The following GTF2A1L variants were observed in gnomAD, a reference collection of about 807,000 sequenced individuals.
The protein encoded by GTF2A1L is TFIIA-alpha and beta-like factor.
In GTF2A1L, 48 loss-of-function variants were observed where a neutral mutation model predicts 49.7. The observed-to-expected ratio is 0.97, with a 90% CI of 0.77 to 1.23. The LOEUF is 1.23. Ranked by LOEUF, GTF2A1L falls within the 50% of genes most tolerant of loss-of-function variation. The pLI is 0.00. For synonymous variants in GTF2A1L, 246 were observed against 193.5 expected, an observed-to-expected ratio of 1.27 and a Z score of -2.25; for missense variants, 736 against 564.8, an observed-to-expected ratio of 1.30 and a Z score of -3.07.
At chr2:48,673,588 T>C (rs986694398) in intron 8 of GTF2A1L, among the ~76,000 whole-genome samples, 4 of 152,082 alleles carry the variant, frequency 2.6e-5, no homozygotes, top group Non-Finnish European at 4.4e-5. Flanking sequence ...GGTCTGGATC[T>C]GACTTCGTGA....
chr2:48,668,078 C>G (rs1037775643), intron 6 of GTF2A1L, among the ~76,000 whole-genome samples: 5 of 152,114 alleles, frequency 3.3e-5, no homozygotes, highest in Admixed American at 6.5e-5. Flanking sequence ...CCCTGGTAAC[C>G]TTGATTTTAC....
chr2:48,635,469 C>T (rs1676835210), intron 3 of GTF2A1L, among the ~76,000 whole-genome samples: 2 of 152,016 alleles, frequency 1.3e-5, no homozygotes, highest in Non-Finnish European at 1.5e-5. Flanking sequence ...CCCCACTTCA[C>T]CTCGATCCCA....
chr2:48,625,795 C>T (rs1572697710), intron 3 of GTF2A1L, among the ~76,000 whole-genome samples: 1 of 143,200 alleles, frequency 7.0e-6, no homozygotes. Flanking sequence ...GTCGTCCAGG[C>T]TGGTCTTGAA....
intron 3 of GTF2A1L, among the ~76,000 whole-genome samples, chr2:48,635,918 A>C (rs772065425): frequency 5.3e-5 from 8 of 152,100 alleles, no homozygotes; most frequent in African/African-American, 9.7e-5. Context: ...GGAGGAAAAA[A>C]AAAGTTCTCC....
chr2:48,650,788 A>G (rs575005435), intron 6 of GTF2A1L, among the ~76,000 whole-genome samples: 87 of 152,146 alleles, frequency 5.7e-4, no homozygotes, highest in Non-Finnish European at 9.1e-4. Flanking sequence ...GCTACTGTAC[A>G]TGGTCAGGCA....
In GTF2A1L at chr2:48,646,749, C is replaced by T. The variant is rs954516995; in HGVS notation, c.685C>T (p.Pro229Ser). Residue 229 changes from proline to serine, a missense_variant, in exon 6 of 9, where the codon CCT becomes TCT. Physicochemically the swap from Pro to Ser is moderately conservative, Grantham distance 74 (BLOSUM62 -1). Transcript: ENST00000403751. ...TCCTGGAAATGAGCATAAAATCGTG[C>T]CTGAAGCTTTGTTGTGTCATCAGGA... Reference protein sequence around the residue: ...VSPGNEHKIVPEALLCHQESS... With the variant: ...VSPGNEHKIVSEALLCHQESS... 2.5e-6 allele frequency: 4 copies of T among 1,614,154 alleles called. No individual in the cohort carries two copies. The Admixed American group carries it at 5.0e-5, about 20-fold the overall frequency.
intron 6 of GTF2A1L, among the ~76,000 whole-genome samples, chr2:48,658,679 T>C (rs928638359): frequency 1.3e-5 from 2 of 152,130 alleles, no homozygotes; most frequent in African/African-American, 4.8e-5. Flanking sequence ...TAATTAGGTA[T>C]TGGTCTGTTT....
At chr2:48,673,654 C>T (rs1368502640) in intron 8 of GTF2A1L, among the ~76,000 whole-genome samples, 1 of 151,970 alleles carries the variant, frequency 6.6e-6, no homozygotes, top group East Asian at 1.9e-4. Context: ...ACCCAGCCGA[C>T]ACAGGAATAT....
chr2:48,673,652 G>A lies in GTF2A1L; in HGVS notation c.1329+1972G>A, dbSNP rs150167046. Reference sequence around the variant, plus strand: ...TAGGTGTGAGCCACTGCACCCAGCCGACACAGGAATATTTAGAAATGAAGA... The same window carrying A: ...TAGGTGTGAGCCACTGCACCCAGCCAACACAGGAATATTTAGAAATGAAGA... On this transcript the variant is annotated intron_variant, in intron 8 of 8. Coordinates refer to ENST00000403751, the MANE Select transcript of GTF2A1L (RefSeq NM_006872.5). Among the ~76,000 whole-genome samples the A allele has an allele frequency of 3.9e-5, 6 of 152,148 alleles. No homozygotes were observed. In the South Asian group the frequency reaches 6.2e-4, roughly 16 times the overall value.
At chr2:48,618,103 G>C (rs769808897) in intron 1 of GTF2A1L, 2 of 547,286 alleles carry the variant, frequency 3.7e-6, no homozygotes, top group Non-Finnish European at 6.4e-6. Flanking sequence ...GGCCAGCCCC[G>C]CCAAAAGAAC....
Position 48,646,567 on chromosome 2 carries a change from T to C in GTF2A1L, c.503T>C (p.Ile168Thr), listed in dbSNP as rs1677521472. 1 of 1,614,046 alleles carries C rather than the reference T, an allele frequency of 6.2e-7. No homozygotes were observed. The highest frequency in any genetic ancestry group is 1.1e-5 in the South Asian group (1 of 91,094). The change falls in exon 6 of 9, where the codon ATA (isoleucine) becomes ACA (threonine). Residue 168 changes from isoleucine to threonine, a missense_variant. Ile to Thr is a moderately conservative substitution (Grantham distance 89, BLOSUM62 -1). Coordinates refer to ENST00000403751, the MANE Select transcript of GTF2A1L (RefSeq NM_006872.5). The part of the protein sequence containing the change: ...VFQQLGQPSV[I>T]QTSVPQLNPW... The stretch of plus-strand genomic sequence containing the variant: ...CAACAGCTTGGCCAGCCTTCAGTAA[T>C]ACAAACTAGTGTTCCACAATTGAAT...
chr2:48,642,308 G>C, intron 3 of GTF2A1L, 94 bp from the exon 4 acceptor site: 1 of 1,211,796 alleles, frequency 8.3e-7, no homozygotes, highest in Admixed American at 2.4e-5. Flanking sequence ...ACCTGTTAGT[G>C]ATAGAAAATA....
chr2:48,655,607 G>C (rs1396681462), intron 6 of GTF2A1L, among the ~76,000 whole-genome samples: 1 of 152,070 alleles, frequency 6.6e-6, no homozygotes, highest in Non-Finnish European at 1.5e-5. Flanking sequence ...CCAGTACTTT[G>C]ATCAGTTTTG....
intron 4 of GTF2A1L, 99 bp downstream of exon 4, chr2:48,642,556 T>C (rs1677257542): frequency 8.3e-7 from 1 of 1,202,888 alleles, no homozygotes; most frequent in Admixed American, 2.3e-5. Flanking sequence ...ACCCTCCAGT[T>C]GAAAGTGAAA....
intron 3 of GTF2A1L, among the ~76,000 whole-genome samples, chr2:48,641,049 A>C (rs1420576258): frequency 6.6e-6 from 1 of 152,152 alleles, no homozygotes; most frequent in Non-Finnish European, 1.5e-5. Context: ...ATTATCTTAC[A>C]GGATTTATTG....
chr2:48,641,933 G>A (rs1677218906), intron 3 of GTF2A1L, among the ~76,000 whole-genome samples: 1 of 152,160 alleles, frequency 6.6e-6, no homozygotes, highest in South Asian at 2.1e-4. Flanking sequence ...CTGTTCAGGT[G>A]TGCTTGCTTA....
intron 3 of GTF2A1L, among the ~76,000 whole-genome samples, chr2:48,630,882 G>C (rs764195206): frequency 1.3e-4 from 19 of 151,944 alleles, no homozygotes; most frequent in Non-Finnish European, 1.0e-4. Context: ...ACAGGTTTTT[G>C]CTTTTAATTC....
intron 3 of GTF2A1L, among the ~76,000 whole-genome samples, chr2:48,631,197 T>A (rs567696065): frequency 6.6e-6 from 1 of 152,302 alleles, no homozygotes; most frequent in East Asian, 1.9e-4. Context: ...ATATTTGGAA[T>A]AGTATCAGCA....
Position 48,666,455 on chromosome 2 carries a change from C to T in GTF2A1L, c.979-3267C>T, listed in dbSNP as rs189815910. ...TGAACTCCTGACCTTGTGATCTGCC[C>T]ACCTCGGCCTGCCAGATAGACACCA... On this transcript the variant is annotated intron_variant, in intron 6 of 8. Transcript: ENST00000403751. Among the ~76,000 whole-genome samples, 90 of 152,206 alleles carry T rather than the reference C, an allele frequency of 5.9e-4. 1 individual carries two copies. The highest frequency in any genetic ancestry group is 2.0e-3 in the African/African-American group (85 of 41,534).
Sources: gnomAD v4.1 joint callset for allele counts (sites outside exome capture counted in the v4.1 genomes callset) on GRCh38, gnomAD v4.1.1 for gene constraint, MANE v1.5 for transcripts, NCBI Gene and HGNC (gene_info 2026-07-23, HGNC 2026-07-21) for gene names.